Variants in MIX23 observed in about 807,000 individuals in gnomAD.
MIX23 encodes mitochondrial matrix import factor 23.
A neutral mutation model predicts 21.6 loss-of-function variants in MIX23; 13 were observed. The ratio of observed to expected loss-of-function variants is 0.60; its 90% CI spans 0.39 to 0.96. The LOEUF is 0.96. Ranked by LOEUF, MIX23 falls within the 40% of genes least tolerant of loss-of-function variation. MIX23 has a pLI of 0.00. For missense variants in MIX23, 144 were observed against 171.2 expected, an observed-to-expected ratio of 0.84 and a Z score of 0.89; for synonymous variants, 59 against 58.0, an observed-to-expected ratio of 1.02 and a Z score of -0.08.
At chr3:122,368,761 T>C (rs894932010) in intron 2 of MIX23, among the ~76,000 whole-genome samples, 6 of 152,208 alleles carry the variant, frequency 3.9e-5, no homozygotes, top group Non-Finnish European at 5.9e-5. Flanking sequence ...CTGTCTCACA[T>C]TGTCAACAAG....
intron 2 of MIX23, among the ~76,000 whole-genome samples, chr3:122,368,714 G>A (rs982286965): frequency 1.4e-4 from 21 of 151,996 alleles, no homozygotes; most frequent in African/African-American, 4.1e-4. Context: ...CCACTTAAAC[G>A]GCTATTCTTC....
At chr3:122,372,471 T>C (rs966815349) in intron 1 of MIX23, among the ~76,000 whole-genome samples, 12 of 152,082 alleles carry the variant, frequency 7.9e-5, no homozygotes, top group African/African-American at 2.9e-4. Context: ...ATTTACAAAA[T>C]ATTCAAACAA....
chr3:122,363,911 A>G (rs1486897569), intron 3 of MIX23, among the ~76,000 whole-genome samples: 1 of 152,220 alleles, frequency 6.6e-6, no homozygotes, highest in Non-Finnish European at 1.5e-5. Context: ...TCCAGGCAGA[A>G]GGCTTGAAAA....
intron 1 of MIX23, among the ~76,000 whole-genome samples, chr3:122,374,025 T>C (rs549561239): frequency 3.4e-4 from 52 of 151,924 alleles, no homozygotes; most frequent in South Asian, 1.9e-3. Flanking sequence ...GCAGTACTAT[T>C]TGGGAAGTCC....
chr3:122,366,110 G>A (rs1181735779), intron 3 of MIX23, among the ~76,000 whole-genome samples: 9 of 151,866 alleles, frequency 5.9e-5, no homozygotes, highest in African/African-American at 1.5e-4. Flanking sequence ...CCTGGGAGGC[G>A]GAAGTTTCAG....
At chr3:122,366,945 A>G (rs77874071) in intron 3 of MIX23, among the ~76,000 whole-genome samples, 1 of 66,474 alleles carries the variant, frequency 1.5e-5, no homozygotes, top group Non-Finnish European at 4.3e-5. Flanking sequence ...CTCAAAAAAC[A>G]AAAAAAAAAC....
chr3:122,370,456 C>CAAAAAAAAAA (rs10660235), intron 2 of MIX23, among the ~76,000 whole-genome samples: 1 of 48,270 alleles, frequency 2.1e-5, no homozygotes. Context: ...GACACTGTCT[C>CAAAAAAAAAA]AAAAAAAAAA....
At chr3:122,380,434 C>A (rs563895112) in intron 1 of MIX23, among the ~76,000 whole-genome samples, 1 of 152,198 alleles carries the variant, frequency 6.6e-6, no homozygotes, top group Admixed American at 6.5e-5. Flanking sequence ...AGAAAGCAGC[C>A]CTGTAAGCAT....
chr3:122,369,151 C>T (rs2075419171), intron 2 of MIX23, among the ~76,000 whole-genome samples: 1 of 152,162 alleles, frequency 6.6e-6, no homozygotes, highest in Non-Finnish European at 1.5e-5. Flanking sequence ...TTCATAGACT[C>T]TATTGTTCAG....
Position 122,371,742 on chromosome 3 carries a change from G to T in MIX23, c.110C>A (p.Thr37Lys). 1 of 1,610,984 alleles carries T rather than the reference G, an allele frequency of 6.2e-7. No homozygotes were observed. Among genetic ancestry groups the T allele is most frequent in the Non-Finnish European group, 8.5e-7 (1 of 1,177,652 alleles). Residue 37 changes from threonine (T) to lysine (K), a missense_variant, in exon 2 of 5, where the codon ACG becomes AAG. Coordinates refer to ENST00000291458, the MANE Select transcript of MIX23 (RefSeq NM_001017928.4). ...CCCTGCAAAGGAAGCTGTTGGAACC[G>T]TAGTGTTTAATTCATGTACTATTCT... ...DDRIVHELNT[T>K]VPTASFAGKI... is the part of the protein sequence containing the mutation.
chr3:122,359,944 A>G, intron 4 of MIX23, 25 bp from the exon 5 acceptor site: 1 of 1,582,428 alleles, frequency 6.3e-7, no homozygotes. Context: ...CAGAAACAAA[A>G]GTCATTGAGT....
At position 122,362,581 on chromosome 3, in the gene MIX23, G is replaced by A. The variant is rs146635055; in HGVS notation, c.384+387C>T. Among the ~76,000 whole-genome samples the A allele has an allele frequency of 4.4e-4, 67 of 151,474 alleles. 1 individual carries two copies. Among genetic ancestry groups the A allele is most frequent in the African/African-American group, 1.4e-3 (56 of 41,306 alleles). On this transcript the variant is annotated intron_variant, in intron 4 of 4. Coordinates refer to ENST00000291458, the MANE Select transcript of MIX23 (RefSeq NM_001017928.4). ...ACTCCAACCTCTGCCTCCTGGGTTCGAGCGATTCTCCTGCCTCAGCCTCCC... is the reference window on the plus strand; with the variant it reads ...ACTCCAACCTCTGCCTCCTGGGTTCAAGCGATTCTCCTGCCTCAGCCTCCC...
intron 1 of MIX23, among the ~76,000 whole-genome samples, chr3:122,380,175 A>G (rs1559995349): frequency 6.6e-6 from 1 of 152,074 alleles, no homozygotes; most frequent in East Asian, 1.9e-4. Flanking sequence ...AATACACTGT[A>G]CTCCAAAGAA....
At chr3:122,369,947 G>A (rs1434982123) in intron 2 of MIX23, among the ~76,000 whole-genome samples, 1 of 152,002 alleles carries the variant, frequency 6.6e-6, no homozygotes, top group Admixed American at 6.6e-5. Flanking sequence ...ATGTGGTTTC[G>A]CCATGTCACC....
In MIX23 at chr3:122,359,907, G is replaced by A. The variant is rs1381976878; in HGVS notation, c.397C>T (p.Arg133Cys). 2.5e-5 allele frequency: 40 copies of A among 1,572,554 alleles called. No homozygotes were observed. Among genetic ancestry groups the A allele is most frequent in the Admixed American group, 3.8e-5 (2 of 52,070 alleles). Residue 133 changes from arginine to cysteine, a missense_variant, in exon 5 of 5, where the codon CGC (arginine) becomes TGC (cysteine). Arg to Cys is a radical substitution (Grantham distance 180, BLOSUM62 -3). Coordinates refer to ENST00000291458, the MANE Select transcript of MIX23 (RefSeq NM_001017928.4). ...NDRSWKVFNE[R>C]CRIHFKPPKN... is the part of the protein sequence containing the mutation. ...GGAGGCTTGAAGTGAATTCGGCAGC[G>A]TTCATTAAACACCTAAAATATTGAA...
intron 1 of MIX23, among the ~76,000 whole-genome samples, chr3:122,380,575 C>A (rs1187910712): frequency 6.6e-6 from 1 of 151,904 alleles, no homozygotes. Flanking sequence ...TGTTGAAGTG[C>A]TGGGGGGTGG....
At chr3:122,363,935 G>T (rs1379540219) in intron 3 of MIX23, among the ~76,000 whole-genome samples, 1 of 152,120 alleles carries the variant, frequency 6.6e-6, no homozygotes, top group Non-Finnish European at 1.5e-5. Context: ...TCAGGAAAAT[G>T]AGGAGAAAAA....
intron 4 of MIX23, among the ~76,000 whole-genome samples, chr3:122,362,121 CT>C (rs2075362625): frequency 6.6e-6 from 1 of 152,104 alleles, no homozygotes; most frequent in South Asian, 2.1e-4. Context: ...ATCTGGTCCC[CT>C]AATCTAGTTC....
intron 3 of MIX23, among the ~76,000 whole-genome samples, chr3:122,367,139 T>C (rs767205705): frequency 1.8e-4 from 27 of 149,030 alleles, no homozygotes; most frequent in Non-Finnish European, 3.6e-4. Context: ...CAGGGAAGGA[T>C]GAAGAGAAGG....
Sources: allele counts gnomAD v4.1 joint callset (sites outside exome capture counted in the v4.1 genomes callset), GRCh38; gene constraint gnomAD v4.1.1; transcripts MANE v1.5; gene names NCBI Gene and HGNC (gene_info 2026-07-23, HGNC 2026-07-21).